The following UFD1 variants were observed in gnomAD, a reference collection of about 807,000 sequenced individuals.
The protein encoded by UFD1 is ubiquitin recognition factor in ER-associated degradation protein 1.
A neutral mutation model predicts 45.9 loss-of-function variants in UFD1; 13 were observed. That is an observed-to-expected ratio of 0.28 (90% CI 0.18 to 0.45). UFD1 has a LOEUF of 0.45. Among genes scored for constraint, UFD1 ranks in the 20% least tolerant of loss-of-function variants. The probability of loss-of-function intolerance (pLI) is 1.00; values close to 1 mark genes in which losing one functional copy is unlikely to be tolerated. For synonymous variants in UFD1, 128 were observed against 139.2 expected, an observed-to-expected ratio of 0.92 and a Z score of 0.56; for missense variants, 218 against 389.2, an observed-to-expected ratio of 0.56 and a Z score of 3.70.
intron 6 of UFD1, among the ~76,000 whole-genome samples, chr22:19,460,447 CA>C (rs1428058478): frequency 6.6e-6 from 1 of 152,136 alleles, no homozygotes; most frequent in Non-Finnish European, 1.5e-5. Flanking sequence ...TGACATTTTC[CA>C]TTTACTTTTA....
chr22:19,457,879 T>A (rs2089735303), intron 7 of UFD1, among the ~76,000 whole-genome samples, 192 bp downstream of exon 7: 1 of 151,948 alleles, frequency 6.6e-6, no homozygotes, highest in Admixed American at 6.5e-5. Context: ...CAGCAAACTC[T>A]GTTGCCCCAA....
intron 11 of UFD1, chr22:19,451,014 C>A: frequency 9.2e-7 from 1 of 1,083,224 alleles, no homozygotes. Flanking sequence ...ATCCCAGCTA[C>A]TTGGGAGGCT....
chr22:19,470,666 T>C (rs776766831), intron 4 of UFD1: 9 of 446,770 alleles, frequency 2.0e-5, no homozygotes, highest in South Asian at 1.4e-4. Context: ...AGTCTCGAAC[T>C]CCTGACCTCA....
At chr22:19,471,870 G>A (rs1449538081) in intron 3 of UFD1, 62 bp from the exon 4 acceptor site, 9 of 1,565,492 alleles carry the variant, frequency 5.7e-6, no homozygotes, top group Non-Finnish European at 5.2e-6. Context: ...TTCGGCCCAC[G>A]CCTTCCCATA....
chr22:19,465,409 A>G (rs1255445805), intron 5 of UFD1, 135 bp from the exon 6 acceptor site: 3 of 687,390 alleles, frequency 4.4e-6, no homozygotes, highest in South Asian at 1.8e-5. Context: ...TTAATACAAT[A>G]AAGTACTACT....
intron 6 of UFD1, among the ~76,000 whole-genome samples, chr22:19,459,815 T>C (rs1301809424): frequency 2.1e-5 from 3 of 144,596 alleles, no homozygotes; most frequent in Non-Finnish European, 3.0e-5. Flanking sequence ...CTTGGCTCAC[T>C]GCAACCTCCG....
intron 4 of UFD1, chr22:19,470,035 C>T (rs2089832533): frequency 1.9e-6 from 1 of 517,684 alleles, no homozygotes; most frequent in African/African-American, 1.9e-5. Context: ...CACTGCCTGA[C>T]ACTTCAGCTA....
intron 4 of UFD1, chr22:19,471,413 C>G: frequency 1.4e-6 from 1 of 706,986 alleles, no homozygotes; most frequent in Non-Finnish European, 2.6e-6. Flanking sequence ...ACGCCTCACC[C>G]AGGAAATCAC....
intron 6 of UFD1, among the ~76,000 whole-genome samples, chr22:19,464,292 A>G (rs1343156244): frequency 6.6e-6 from 1 of 152,234 alleles, no homozygotes; most frequent in Non-Finnish European, 1.5e-5. Context: ...TGCTAGCTTC[A>G]GGGAAAGCCC....
At chr22:19,473,800 G>A (rs923550640) in intron 3 of UFD1, among the ~76,000 whole-genome samples, 1 of 152,204 alleles carries the variant, frequency 6.6e-6, no homozygotes, top group Non-Finnish European at 1.5e-5. Context: ...AGGTCAAGTT[G>A]CTACTCTGGA....
rs1239050551 is a variant in UFD1, at chr22:19,451,155, A to G, written c.850-411T>C. 5.1e-6 allele frequency: 5 copies of G among 986,844 alleles called. No homozygotes were observed. The East Asian group carries it at 3.4e-4, about 66-fold the overall frequency. The allele number at this position is 986,844 out of a possible 1,614,324, so 61.1% of individuals were successfully genotyped here. A position where few individuals can be genotyped will look rare whatever the true frequency, so the allele number is the denominator to read the frequency against. ...AAAAAAAAAAAAAGTCTGTAAGTTCATCACCCAAAAACATTTCAGGTCACT... is the reference window on the plus strand; with the variant it reads ...AAAAAAAAAAAAAGTCTGTAAGTTCGTCACCCAAAAACATTTCAGGTCACT... On this transcript the variant is annotated intron_variant, in intron 11 of 11. Coordinates refer to ENST00000263202, the MANE Select transcript of UFD1 (RefSeq NM_005659.7).
intron 11 of UFD1, chr22:19,451,969 C>G (rs1329802061): frequency 2.0e-6 from 2 of 983,292 alleles, no homozygotes; most frequent in East Asian, 2.3e-4. Flanking sequence ...CTTATTCCTT[C>G]ATTTTAGTGA....
chr22:19,478,745 A>G (rs2089915668), intron 1 of UFD1: 1 of 404,492 alleles, frequency 2.5e-6, no homozygotes, highest in African/African-American at 2.2e-5. Context: ...TCCCATCCCC[A>G]GCAACCTTGC....
intron 11 of UFD1, chr22:19,451,415 C>T (rs1017956840): frequency 1.0e-6 from 1 of 985,340 alleles, no homozygotes; most frequent in Non-Finnish European, 1.2e-6. Flanking sequence ...AGTGTGTACA[C>T]ACTTTTAATG....
chr22:19,462,005 T>C (rs995775940), intron 6 of UFD1, among the ~76,000 whole-genome samples: 52 of 151,470 alleles, frequency 3.4e-4, no homozygotes, highest in African/African-American at 1.1e-3. Context: ...CAGGGTTTGC[T>C]TTTTTTTTGT....
intron 11 of UFD1, 96 bp from the exon 12 acceptor site, chr22:19,450,840 T>A (rs143029418): frequency 6.3e-7 from 1 of 1,592,278 alleles, no homozygotes; most frequent in Non-Finnish European, 8.6e-7. Context: ...ACATTACTCA[T>A]AAGAAATATC....
At chr22:19,454,541 C>T (rs974311313) in intron 11 of UFD1, 10 of 1,131,526 alleles carry the variant, frequency 8.8e-6, no homozygotes, top group Non-Finnish European at 1.1e-5. Context: ...TTGCCCCCTG[C>T]CATGATTGTG....
At chr22:19,452,891 C>T in intron 11 of UFD1, 1 of 239,544 alleles carries the variant, frequency 4.2e-6, no homozygotes. Context: ...CTTTCTTTGC[C>T]TCAAAGTGGG....
rs1433116187 is a variant in UFD1 at position 19,476,750 on chromosome 22, T to C, written c.4-1148A>G. On this transcript the variant is annotated intron_variant, in intron 1 of 11. Coordinates refer to ENST00000263202, the MANE Select transcript of UFD1 (RefSeq NM_005659.7). ...GGCTGGGTGCGGTGGCTCACGCCTA[T>C]AATCCCAGCACTTTGGGAGGCAGAG... is the stretch of plus-strand genomic sequence containing the variant. Among the ~76,000 whole-genome samples, 4 of 152,180 alleles carry C rather than the reference T, an allele frequency of 2.6e-5. No individual in the cohort carries two copies. The East Asian group carries it at 5.8e-4, about 22-fold the overall frequency.
Sources: allele counts gnomAD v4.1 joint callset (sites outside exome capture counted in the v4.1 genomes callset), GRCh38; gene constraint gnomAD v4.1.1; transcripts MANE v1.5; gene names NCBI Gene and HGNC (gene_info 2026-07-23, HGNC 2026-07-21).